TENM2: variants seen among roughly 807,000 people sequenced by gnomAD.
The protein encoded by TENM2 is teneurin-2.
In TENM2, 52 loss-of-function variants were observed where a neutral mutation model predicts 245.2. The ratio of observed to expected loss-of-function variants is 0.21; its 90% confidence interval spans 0.17 to 0.27. The LOEUF is 0.27. TENM2 is among the 10% of genes least tolerant of loss of function. The pLI is 1.00. For synonymous variants in TENM2, 1,363 were observed against 1,438.9 expected, an observed-to-expected ratio of 0.95 and a Z score of 1.19; for missense variants, 3,046 against 3,666.8, an observed-to-expected ratio of 0.83 and a Z score of 4.37.
chr5:167,890,832 A>G (rs763868459), intron 3 of TENM2, among the ~76,000 whole-genome samples: 18 of 152,186 alleles, frequency 1.2e-4, no homozygotes, highest in Non-Finnish European at 2.2e-4. Flanking sequence ...TGTCATTAAC[A>G]ATAATCTCCA....
chr5:168,204,932 A>G (rs533816977), intron 19 of TENM2, among the ~76,000 whole-genome samples: 2 of 152,340 alleles, frequency 1.3e-5, no homozygotes, highest in South Asian at 4.1e-4. Context: ...TTTGAGAACC[A>G]CTAATGTTCA....
the TENM2 span, among the ~76,000 whole-genome samples, chr5:166,999,531 T>C: frequency 6.6e-6 from 1 of 152,208 alleles, no homozygotes; most frequent in Middle Eastern, 3.4e-3. Context: ...TGAAAGATGC[T>C]GAGCCCATTG....
intron 9 of TENM2, among the ~76,000 whole-genome samples, chr5:168,112,295 G>C (rs1340881673): frequency 6.6e-6 from 1 of 151,966 alleles, no homozygotes; most frequent in African/African-American, 2.4e-5. Context: ...GTCATGGGGG[G>C]TTGTTGTACA....
intron 12 of TENM2, among the ~76,000 whole-genome samples, chr5:168,154,960 G>A (rs1409269976): frequency 1.3e-5 from 2 of 152,182 alleles, no homozygotes; most frequent in African/African-American, 2.4e-5. Flanking sequence ...AGCTGTGGAC[G>A]TGCAGGTTCA....
chr5:167,311,131 A>G (rs1046631305), intron 1 of TENM2, among the ~76,000 whole-genome samples: 1 of 152,234 alleles, frequency 6.6e-6, no homozygotes, highest in Admixed American at 6.5e-5. Context: ...ACATGACTGC[A>G]TAACCGAGCT....
chr5:167,641,111 A>G (rs1779584832), intron 2 of TENM2, among the ~76,000 whole-genome samples: 1 of 151,674 alleles, frequency 6.6e-6, no homozygotes, highest in Non-Finnish European at 1.5e-5. Context: ...CTTTTGCCTT[A>G]TATGATTGAA....
intron 3 of TENM2, among the ~76,000 whole-genome samples, chr5:167,941,122 C>G (rs920207862): frequency 2.0e-5 from 3 of 152,156 alleles, no homozygotes; most frequent in African/African-American, 7.2e-5. Context: ...ATGTGATGAA[C>G]AACTCAGGAC....
At chr5:168,025,212 A>C (rs1177014668) in intron 5 of TENM2, among the ~76,000 whole-genome samples, 1 of 152,232 alleles carries the variant, frequency 6.6e-6, no homozygotes, top group Non-Finnish European at 1.5e-5. Context: ...TAAACTGAAA[A>C]ATATTTGATG....
intron 4 of TENM2, among the ~76,000 whole-genome samples, chr5:167,958,913 T>C (rs1245299544): frequency 6.6e-6 from 1 of 152,178 alleles, no homozygotes; most frequent in Middle Eastern, 3.2e-3. Flanking sequence ...GCCCTTAACA[T>C]TTTTTCCTTC....
At chr5:168,165,692 G>T (rs546411905) in intron 13 of TENM2, among the ~76,000 whole-genome samples, 36 of 124,582 alleles carry the variant, frequency 2.9e-4, no homozygotes, top group African/African-American at 1.0e-3. Context: ...CAGTCCAAAG[G>T]CAGGGCACAA....
intron 4 of TENM2, among the ~76,000 whole-genome samples, chr5:167,956,311 A>G (rs1395063952): frequency 6.6e-6 from 1 of 152,148 alleles, no homozygotes; most frequent in Non-Finnish European, 1.5e-5. Flanking sequence ...ATTTTTGCAT[A>G]TTGACTTTGT....
chr5:167,494,732 AG>A (rs1377006544), intron 2 of TENM2, among the ~76,000 whole-genome samples: 2 of 152,284 alleles, frequency 1.3e-5, no homozygotes, highest in African/African-American at 4.8e-5. Context: ...TTAGAAAAAT[AG>A]AATATTCTTT....
chr5:167,766,886 CAAAAACAAAAACAAAAACA>C (rs1763063235), intron 2 of TENM2, among the ~76,000 whole-genome samples: 1 of 150,822 alleles, frequency 6.6e-6, no homozygotes, highest in Admixed American at 6.6e-5. Flanking sequence ...CTCAAAAAAA[CAAAAACAAAAACAAAAACA>C]AAAAACAAAA....
intron 13 of TENM2, among the ~76,000 whole-genome samples, chr5:168,176,412 T>G (rs903009956): frequency 1.3e-5 from 2 of 152,230 alleles, no homozygotes; most frequent in African/African-American, 2.4e-5. Context: ...ACTTTCACCC[T>G]AGGCTTCTGC....
the TENM2 span, among the ~76,000 whole-genome samples, chr5:167,140,557 T>C: frequency 6.6e-6 from 1 of 152,330 alleles, no homozygotes; most frequent in East Asian, 1.9e-4. Context: ...AATTATTTCA[T>C]ATTAATAAAA....
chr5:167,012,636 G>A, the TENM2 span, among the ~76,000 whole-genome samples: 35 of 152,328 alleles, frequency 2.3e-4, no homozygotes, highest in African/African-American at 7.9e-4. Flanking sequence ...AGGCTGCCAT[G>A]GAAGGTTGTG....
At chr5:167,440,469 T>G (rs1764817938) in intron 2 of TENM2, among the ~76,000 whole-genome samples, 1 of 152,178 alleles carries the variant, frequency 6.6e-6, no homozygotes, top group Non-Finnish European at 1.5e-5. Flanking sequence ...CATTGGTTAT[T>G]AATATAGGAG....
intron 1 of TENM2, among the ~76,000 whole-genome samples, chr5:167,291,747 A>G (rs967827591): frequency 6.6e-6 from 1 of 152,212 alleles, no homozygotes; most frequent in Non-Finnish European, 1.5e-5. Flanking sequence ...CACAGGAAAG[A>G]AAGACTCTGA....
the TENM2 span, among the ~76,000 whole-genome samples, chr5:167,163,431 G>A: frequency 3.9e-5 from 6 of 152,176 alleles, no homozygotes; most frequent in South Asian, 2.1e-4. Flanking sequence ...CATTCTTCTC[G>A]GATACAGTGA....
Sources: allele counts gnomAD v4.1 joint callset (sites outside exome capture counted in the v4.1 genomes callset), GRCh38; gene constraint gnomAD v4.1.1; transcripts MANE v1.5; gene names NCBI Gene and HGNC (gene_info 2026-07-23, HGNC 2026-07-21).